The following VAV2 variants were observed in gnomAD, a reference collection of about 807,000 sequenced individuals.
VAV2 encodes guanine nucleotide exchange factor VAV2.
In VAV2, 67 loss-of-function variants were observed where a neutral mutation model predicts 132.5. The observed-to-expected ratio is 0.51, with a 90% CI of 0.42 to 0.62. The LOEUF is 0.62. Ranked by LOEUF, VAV2 falls within the 20% of genes least tolerant of loss-of-function variation. The pLI is 0.00. For missense variants in VAV2, 938 were observed against 1,153.6 expected, an observed-to-expected ratio of 0.81 and a Z score of 2.71; for synonymous variants, 492 against 443.5, an observed-to-expected ratio of 1.11 and a Z score of -1.37.
At position 133,883,759 on chromosome 9, in the gene VAV2, C is replaced by T. The variant is rs1175236348; in HGVS notation, c.322-22327G>A. 6.6e-6 allele frequency among the ~76,000 whole-genome samples: 1 copy of T among 152,180 alleles called. No homozygotes were observed. Among genetic ancestry groups the T allele is most frequent in the African/African-American group, 2.4e-5 (1 of 41,440 alleles). On this transcript the variant is annotated intron_variant, in intron 2 of 29. Transcript: ENST00000371850. This position sits in a 1 kb window ranked among gnomAD's most constrained non-coding sequence, Gnocchi z 4.2. ...CAAGGTGGCGGACGAGAAGCCCTCC[C>T]GGGATCCAGTGCCACTGTGAGGCTC...
At chr9:133,957,801 T>A (rs1394250503) in intron 1 of VAV2, among the ~76,000 whole-genome samples, 1 of 151,902 alleles carries the variant, frequency 6.6e-6, no homozygotes, top group Admixed American at 6.6e-5. Flanking sequence ...GCAAGAGAGA[T>A]CAGAGTGTCA....
rs937088654 is a variant in VAV2 at position 133,811,139 on chromosome 9, G to A, written c.553-934C>T. ...CCACAAAGGGCCACCATCCCTCGGG[G>A]GAGACCCCCCGGTTATGGCGGGGAA... On this transcript the variant is annotated intron_variant, in intron 5 of 29. Coordinates refer to ENST00000371850, the MANE Select transcript of VAV2 (RefSeq NM_001134398.2). Among the ~76,000 whole-genome samples the A allele has an allele frequency of 4.6e-5, 7 of 152,316 alleles. No individual in the cohort carries two copies. The East Asian group carries it at 5.8e-4, about 13-fold the overall frequency.
chr9:133,868,394 C>T (rs1036783815), intron 2 of VAV2, among the ~76,000 whole-genome samples: 8 of 152,222 alleles, frequency 5.3e-5, no homozygotes, highest in Non-Finnish European at 1.0e-4. Context: ...GGTTCAAATC[C>T]GCCCTTCCCG....
chr9:133,950,075 C>T (rs1259851585), intron 1 of VAV2, among the ~76,000 whole-genome samples: 4 of 152,142 alleles, frequency 2.6e-5, no homozygotes, highest in Non-Finnish European at 5.9e-5. Context: ...AGCCCCTGAG[C>T]CATGAGGAGT....
Position 133,804,205 on chromosome 9 carries a change from A to C in VAV2, c.836+1876T>G, listed in dbSNP as rs976112071. On this transcript the variant is annotated intron_variant, in intron 9 of 29. Transcript: ENST00000371850. This position sits in a 1 kb window ranked among gnomAD's most constrained non-coding sequence, Gnocchi z 4.5. ...TTGGGGCCGAATCCGAAATGAGAGG[A>C]AAGGGGCAAAAAAGCTGGATGCTGG... 1.3e-5 allele frequency among the ~76,000 whole-genome samples: 2 copies of C among 152,190 alleles called. No individual in the cohort carries two copies. Among genetic ancestry groups the C allele is most frequent in the Admixed American group, 1.3e-4 (2 of 15,284 alleles).
intron 1 of VAV2, among the ~76,000 whole-genome samples, chr9:133,950,840 A>G (rs1181130739): frequency 6.6e-6 from 1 of 152,014 alleles, no homozygotes. Context: ...CCCTTCCGGA[A>G]AGCGGCCTCC....
chr9:133,832,531 T>C (rs1377008549), intron 4 of VAV2, among the ~76,000 whole-genome samples: 2 of 152,232 alleles, frequency 1.3e-5, no homozygotes, highest in African/African-American at 4.8e-5. Context: ...GAAGCCTGCA[T>C]GCTGGAGTGA....
At chr9:133,811,158 C>T (rs1283257239) in intron 5 of VAV2, among the ~76,000 whole-genome samples, 1 of 152,180 alleles carries the variant, frequency 6.6e-6, no homozygotes, top group Non-Finnish European at 1.5e-5. Flanking sequence ...CCGGTTATGG[C>T]GGGGAACAAA....
chr9:133,848,259 G>A (rs1375493204), intron 3 of VAV2, among the ~76,000 whole-genome samples: 30 of 121,152 alleles, frequency 2.5e-4, no homozygotes, highest in African/African-American at 7.5e-4. Context: ...CAGCCTGGGC[G>A]ACTGAGTGAG....
chr9:133,976,650 C>G (rs1357136730), intron 1 of VAV2, among the ~76,000 whole-genome samples: 3 of 152,236 alleles, frequency 2.0e-5, no homozygotes, highest in Admixed American at 6.5e-5. Context: ...ACTCTCTCCC[C>G]AGCGCCTTCT....
In VAV2 at chr9:133,983,786, TCCCAC is replaced by T. The variant is rs550006838; in HGVS notation, c.204+8284_204+8288del. Among the ~76,000 whole-genome samples the T allele has an allele frequency of 4.8e-5, 7 of 145,406 alleles. No homozygotes were observed. The East Asian group carries it at 6.3e-4, about 13-fold the overall frequency. ...AGTCCCTGTCACTAACAGCCAGGGC[TCCCAC>T]CCCACCCCACCCCACCCCACGCTCC... is the stretch of plus-strand genomic sequence containing the variant. On this transcript the variant is annotated intron_variant, in intron 1 of 29. Coordinates refer to ENST00000371850, the MANE Select transcript of VAV2 (RefSeq NM_001134398.2).
At chr9:133,853,571 G>A (rs969353075) in intron 3 of VAV2, among the ~76,000 whole-genome samples, 3 of 152,084 alleles carry the variant, frequency 2.0e-5, no homozygotes, top group Non-Finnish European at 2.9e-5. Flanking sequence ...GCAGGGAACG[G>A]CCAAGCGGAG....
At chr9:133,796,574 AC>A (rs1834724342) in intron 10 of VAV2, 50 bp from the exon 11 acceptor site, 4 of 1,544,976 alleles carry the variant, frequency 2.6e-6, no homozygotes, top group Non-Finnish European at 3.5e-6. Context: ...GAAAGCCTGA[AC>A]CCACCCACCT....
intron 2 of VAV2, among the ~76,000 whole-genome samples, chr9:133,903,592 C>T (rs140458714): frequency 2.0e-5 from 3 of 152,308 alleles, no homozygotes; most frequent in East Asian, 3.9e-4. Flanking sequence ...GACACAAAGT[C>T]GGACATGGCC....
chr9:133,973,820 C>T (rs896635851), intron 1 of VAV2, among the ~76,000 whole-genome samples: 4 of 152,324 alleles, frequency 2.6e-5, no homozygotes, highest in Admixed American at 1.3e-4. Context: ...AAGAGGAAGA[C>T]AAAATGCAGG....
At chr9:133,848,874 T>C (rs2428123) in intron 3 of VAV2, among the ~76,000 whole-genome samples, 37,160 of 152,190 alleles carry the variant, frequency 0.24, 5,824 homozygotes, top group African/African-American at 0.45. Context: ...AACCTGAATG[T>C]ATGACCACAG....
At chr9:133,829,389 C>T (rs117541350) in intron 4 of VAV2, among the ~76,000 whole-genome samples, 2,998 of 152,360 alleles carry the variant, frequency 0.02, 38 homozygotes, top group Middle Eastern at 0.048. Context: ...GGGACTGGCT[C>T]CAGCTCCCAG....
intron 2 of VAV2, among the ~76,000 whole-genome samples, chr9:133,881,273 TGCAGATAGCGGAGC>T (rs767976322): frequency 6.6e-6 from 1 of 152,270 alleles, no homozygotes; most frequent in Non-Finnish European, 1.5e-5. Flanking sequence ...TGATGCTATC[TGCAGATAGCGGAGC>T]GCAGACGTGG....
At chr9:133,801,284 G>A (rs1834919063) in intron 9 of VAV2, among the ~76,000 whole-genome samples, 1 of 152,256 alleles carries the variant, frequency 6.6e-6, no homozygotes, top group African/African-American at 2.4e-5. Flanking sequence ...CCTGGCCGTG[G>A]GACGGGCTTC....
Sources: gnomAD v4.1 joint callset for allele counts (sites outside exome capture counted in the v4.1 genomes callset) on GRCh38, gnomAD v4.1.1 for gene constraint, Gnocchi (gnomAD v3.1) non-coding constraint, MANE v1.5 for transcripts, NCBI Gene and HGNC (gene_info 2026-07-23, HGNC 2026-07-21) for gene names.